Variants in DISP1 observed in about 807,000 individuals in gnomAD.
DISP1 encodes dispatched RND transporter family member 1.
In DISP1, 30 loss-of-function variants were observed where a neutral mutation model predicts 37.3. The observed-to-expected ratio is 0.80, with a 90% CI of 0.60 to 1.09. The LOEUF (loss-of-function observed/expected upper bound fraction) is 1.09. DISP1 is among the 50% of genes least tolerant of loss of function. The pLI is 0.00. For synonymous variants in DISP1, 634 were observed against 690.2 expected (o/e 0.92, Z 1.28); for missense variants, 1,598 against 1,879.5 (o/e 0.85, Z 2.77).
At chr1:222,827,664 CA>C (rs1011428189) in intron 1 of DISP1, 10 of 151,918 alleles carry the variant, frequency 6.6e-5, no homozygotes, top group African/African-American at 2.2e-4. Flanking sequence ...GAACTGAGGT[CA>C]GGGGTAGTTA....
intron 1 of DISP1, among the ~76,000 whole-genome samples, chr1:222,885,469 CTT>C (rs759594613): frequency 2.9e-4 from 38 of 132,788 alleles, no homozygotes; most frequent in Admixed American, 4.5e-4. Flanking sequence ...GATTTCTTTT[CTT>C]TTTTTTTTTT....
chr1:222,970,835 C>T (rs868471706), intron 3 of DISP1, among the ~76,000 whole-genome samples: 2 of 151,146 alleles, frequency 1.3e-5, no homozygotes, highest in Non-Finnish European at 3.0e-5. Flanking sequence ...ATAATAGATT[C>T]TGGAGTTGCA....
intron 1 of DISP1, among the ~76,000 whole-genome samples, chr1:222,854,491 C>G (rs1222158707): frequency 6.6e-6 from 1 of 152,126 alleles, no homozygotes; most frequent in Non-Finnish European, 1.5e-5. Context: ...TTACTTCCAC[C>G]TGGTCCCACC....
intron 1 of DISP1, among the ~76,000 whole-genome samples, chr1:222,881,373 T>C (rs1034356158): frequency 1.3e-5 from 2 of 152,126 alleles, no homozygotes; most frequent in African/African-American, 4.8e-5. Context: ...TTTTGTATTT[T>C]TAGTAGAGAC....
At chr1:222,932,910 C>A (rs1673493177) in intron 2 of DISP1, among the ~76,000 whole-genome samples, 1 of 151,940 alleles carries the variant, frequency 6.6e-6, no homozygotes, top group African/African-American at 2.4e-5. Flanking sequence ...TCACTGATAT[C>A]ATTTACCTGA....
intron 1 of DISP1, among the ~76,000 whole-genome samples, chr1:222,906,876 C>T (rs1389304597): frequency 6.6e-6 from 1 of 152,162 alleles, no homozygotes; most frequent in African/African-American, 2.4e-5. Context: ...CTTTCTTGCT[C>T]AGACCCAAGA....
chr1:222,899,578 G>C (rs1671468684), intron 1 of DISP1, among the ~76,000 whole-genome samples: 3 of 151,992 alleles, frequency 2.0e-5, no homozygotes, highest in African/African-American at 7.3e-5. Context: ...CCTAGAGCAA[G>C]AGGAAATTTT....
At chr1:222,868,197 A>G (rs1669307123) in intron 1 of DISP1, among the ~76,000 whole-genome samples, 1 of 152,046 alleles carries the variant, frequency 6.6e-6, no homozygotes, top group Admixed American at 6.6e-5. Context: ...AGCCTGGGCA[A>G]CATAGCGAGA....
intron 1 of DISP1, among the ~76,000 whole-genome samples, chr1:222,868,069 A>AT (rs903639377): frequency 2.0e-5 from 3 of 152,082 alleles, no homozygotes; most frequent in African/African-American, 7.2e-5. Flanking sequence ...ATACTGTGTA[A>AT]TTTTTTGCAG....
Position 223,005,545 on chromosome 1 carries a change from A to AT in DISP1, c.4148_4149insT (p.Glu1383AspfsTer30), listed in dbSNP as rs761855643. 1 of 1,614,194 alleles carries AT rather than the reference A, an allele frequency of 6.2e-7. No homozygotes were observed. The highest frequency in any genetic ancestry group is 1.3e-5 in the African/African-American group (1 of 75,060). On this transcript the variant is annotated frameshift_variant, in exon 9 of 9. Coordinates refer to ENST00000675850, the MANE Select transcript of DISP1 (RefSeq NM_001377229.1). LOFTEE classifies it low-confidence loss of function (END_TRUNC). ...CACAGTCTTCAGAGGAGCATAGAAG[A>AT]GCATCTTCCAAAGATGGCAGAGCCA...
At chr1:222,940,816 G>A (rs959060213) in intron 2 of DISP1, among the ~76,000 whole-genome samples, 4 of 152,310 alleles carry the variant, frequency 2.6e-5, no homozygotes, top group African/African-American at 9.6e-5. Context: ...GGAGAAAAGC[G>A]TGTGCCTGCA....
chr1:222,928,299 C>G (rs1460597905), intron 1 of DISP1, 131 bp from the exon 2 acceptor site: 1 of 152,156 alleles, frequency 6.6e-6, no homozygotes, highest in African/African-American at 2.4e-5. Flanking sequence ...CCAGCTGTTA[C>G]CATTATTAAG....
intron 3 of DISP1, among the ~76,000 whole-genome samples, chr1:222,957,844 T>C (rs1168275778): frequency 6.6e-6 from 1 of 152,204 alleles, no homozygotes; most frequent in Admixed American, 6.5e-5. Context: ...AGGACCAGGC[T>C]ATAGTAAGAG....
intron 2 of DISP1, among the ~76,000 whole-genome samples, chr1:222,935,917 A>T (rs1253915014): frequency 1.3e-5 from 2 of 152,304 alleles, no homozygotes; most frequent in East Asian, 3.9e-4. Flanking sequence ...GGTGTATGAT[A>T]CAGTCATGTG....
intron 2 of DISP1, among the ~76,000 whole-genome samples, chr1:222,929,525 CGAA>C (rs1399450904): frequency 6.6e-6 from 1 of 151,858 alleles, no homozygotes; most frequent in Non-Finnish European, 1.5e-5. Context: ...TCTTGTTGAA[CGAA>C]GAAGAAGGAA....
chr1:222,983,764 G>T (rs1678016554), intron 4 of DISP1, among the ~76,000 whole-genome samples: 1 of 152,138 alleles, frequency 6.6e-6, no homozygotes, highest in African/African-American at 2.4e-5. Context: ...TTTCAGAGGG[G>T]TTGTCTTTCT....
At chr1:222,854,328 T>C (rs1668434463) in intron 1 of DISP1, among the ~76,000 whole-genome samples, 2 of 152,234 alleles carry the variant, frequency 1.3e-5, no homozygotes, top group Admixed American at 1.3e-4. Context: ...CTCAGGAAAC[T>C]TACAATCATG....
chr1:222,983,502 A>C (rs1279300283), intron 4 of DISP1, among the ~76,000 whole-genome samples: 1 of 152,098 alleles, frequency 6.6e-6, no homozygotes, highest in Non-Finnish European at 1.5e-5. Context: ...CTTTAGTTCC[A>C]GCTACTCGGG....
At chr1:222,937,341 C>T (rs1429250271) in intron 2 of DISP1, among the ~76,000 whole-genome samples, 1 of 151,916 alleles carries the variant, frequency 6.6e-6, no homozygotes, top group Non-Finnish European at 1.5e-5. Flanking sequence ...CCACCCGCCT[C>T]AGCCTCCCAA....
Sources: gnomAD v4.1 joint callset for allele counts (sites outside exome capture counted in the v4.1 genomes callset) on GRCh38, gnomAD v4.1.1 for gene constraint, MANE v1.5 for transcripts, NCBI Gene and HGNC (gene_info 2026-07-23, HGNC 2026-07-21) for gene names.